The following SYNPO variants were observed in gnomAD, a reference collection of about 807,000 sequenced individuals.
SYNPO encodes synaptopodin.
A neutral mutation model predicts 49.5 loss-of-function variants in SYNPO; 19 were observed. The ratio of observed to expected loss-of-function variants is 0.38; its 90% CI spans 0.27 to 0.56. The LOEUF (loss-of-function observed/expected upper bound fraction) is 0.56, where lower values mean the gene tolerates loss of function less well. Among genes scored for constraint, SYNPO ranks in the 20% least tolerant of loss-of-function variants. SYNPO has a pLI of 0.68. For synonymous variants in SYNPO, 536 were observed against 548.0 expected, an observed-to-expected ratio of 0.98 and a Z score of 0.31; for missense variants, 1,131 against 1,248.3, an observed-to-expected ratio of 0.91 and a Z score of 1.42.
chr5:150,618,156 T>C (rs1438288303), exon 2 of SYNPO: 3 of 547,954 alleles, frequency 5.5e-6, no homozygotes, highest in Non-Finnish European at 9.2e-6. Flanking sequence ...GGATTGGAGG[T>C]CCACCACTCC....
Position 150,601,786 on chromosome 5 carries a change from A to G in SYNPO, c.-266+598A>G, listed in dbSNP as rs576333612. ...AGGGGGTGGTCCTCACTGTGCAGAG[A>G]CTCCCTTGTGACCACCATCCTCCTT... On this transcript the variant is annotated intron_variant, in intron 1 of 2. Transcript: ENST00000394243. Among the ~76,000 whole-genome samples, 6 of 151,766 alleles carry G rather than the reference A, an allele frequency of 4.0e-5. No individual in the cohort carries two copies. In the South Asian group the frequency reaches 1.3e-3, roughly 32 times the overall value.
chr5:150,618,815 C>A (rs1383788405), intron 2 of SYNPO: 3 of 1,547,846 alleles, frequency 1.9e-6, no homozygotes, highest in South Asian at 1.2e-5. Context: ...CACTGGAGAC[C>A]CCCCAGGTCC....
chr5:150,636,131 A>G (rs1416834326), upstream of SYNPO, among the ~76,000 whole-genome samples: 1 of 152,176 alleles, frequency 6.6e-6, no homozygotes, highest in Non-Finnish European at 1.5e-5. Context: ...ATGCCTGTGA[A>G]CGGTGCCTGG....
the SYNPO span, among the ~76,000 whole-genome samples, chr5:150,590,087 T>C: frequency 0.02 from 3,057 of 152,338 alleles, 75 homozygotes; most frequent in African/African-American, 0.06. Context: ...AGCCTTGCGC[T>C]TTGGGCTGGG....
intron 2 of SYNPO, among the ~76,000 whole-genome samples, chr5:150,631,276 A>T (rs77954339): frequency 6.6e-6 from 1 of 152,208 alleles, no homozygotes; most frequent in Non-Finnish European, 1.5e-5. Flanking sequence ...TACAAAGCTG[A>T]TGAGCGTTTA....
Position 150,649,788 on chromosome 5 carries a change from C to T in SYNPO, c.1513C>T (p.Leu505=), listed in dbSNP as rs1430111785. The T allele has an allele frequency of 2.5e-6, 4 of 1,611,866 alleles. No individual in the cohort carries two copies. In the African/African-American group the frequency reaches 4.0e-5, roughly 16 times the overall value. Residue 505 remains leucine, a synonymous_variant, in exon 2 of 3, where the codon CTG becomes TTG. Coordinates refer to ENST00000307662, the MANE Select transcript of SYNPO (RefSeq NM_007286.6). ...CGAGTCTTCAAGCCACACGCCAGAG[C>T]TGGCCCGCTGCCCATCACCTACCAT... ...VIESSSHTPE[L]ARCPSPTMSL... is the part of the protein sequence containing the mutation.
chr5:150,597,922 G>A (rs951400102), upstream of SYNPO, among the ~76,000 whole-genome samples: 1 of 152,150 alleles, frequency 6.6e-6, no homozygotes, highest in African/African-American at 2.4e-5. Context: ...ACAGGCATGA[G>A]CCACCGCACC....
chr5:150,602,923 T>G (rs1321690090), intron 1 of SYNPO, among the ~76,000 whole-genome samples: 1 of 152,018 alleles, frequency 6.6e-6, no homozygotes, highest in African/African-American at 2.4e-5. Flanking sequence ...GTAGGCCATC[T>G]TTTGGCCCCC....
At chr5:150,621,503 T>C (rs1348806803) in intron 2 of SYNPO, among the ~76,000 whole-genome samples, 1 of 152,048 alleles carries the variant, frequency 6.6e-6, no homozygotes, top group Non-Finnish European at 1.5e-5. Flanking sequence ...TTCCTGGAGA[T>C]CAGGAGGGAA....
At chr5:150,652,578 C>A in intron 2 of SYNPO, 1 of 232,598 alleles carries the variant, frequency 4.3e-6, no homozygotes, top group Non-Finnish European at 7.1e-6. Flanking sequence ...CTGTGCAAAT[C>A]GCAACCTTTT....
intron 1 of SYNPO, among the ~76,000 whole-genome samples, chr5:150,612,777 C>A (rs1208014627): frequency 6.6e-6 from 1 of 152,082 alleles, no homozygotes; most frequent in Non-Finnish European, 1.5e-5. Context: ...TTTTGTTCTT[C>A]TTTTCTTTTT....
rs1321890714 is a variant in SYNPO, at chr5:150,657,875, A to G, written c.*788A>G. ...TGTCCAGGACATCTTATCTGCAGCC[A>G]TAAGAGAATTATAAGGCAGTGATTT... On this transcript the variant is annotated 3_prime_UTR_variant, in exon 3 of 3. Transcript: ENST00000307662. The G allele has an allele frequency of 6.6e-6, 1 of 152,380 alleles. No homozygotes were observed. Among genetic ancestry groups the G allele is most frequent in the South Asian group, 2.1e-4 (1 of 4,836 alleles). 9.4% of individuals were successfully genotyped at this position (152,380 alleles called of 1,614,324 possible). A position where few individuals can be genotyped will look rare whatever the true frequency, so the allele number is the denominator to read the frequency against.
chr5:150,650,464 G>GC, intron 2 of SYNPO, 161 bp downstream of exon 2: 1 of 1,517,794 alleles, frequency 6.6e-7, no homozygotes, highest in Non-Finnish European at 8.9e-7. Flanking sequence ...GTCAGATGCG[G>GC]CCACCAGCTG....
In SYNPO at chr5:150,650,586, G is replaced by T; in HGVS notation, c.2028+283G>T. ...AGCGGGGAGGAGGGTCATGGAGAGA[G>T]AACTGTCTGGCAGCCCTGATGCGGT... On this transcript the variant is annotated intron_variant, in intron 2 of 2. Coordinates refer to ENST00000307662, the MANE Select transcript of SYNPO (RefSeq NM_007286.6). The T allele has an allele frequency of 4.1e-6, 6 of 1,452,772 alleles. No homozygotes were observed. The South Asian group carries it at 8.9e-5, about 21-fold the overall frequency. The allele number at this position is 1,452,772 out of a possible 1,614,324, so 90.0% of individuals were successfully genotyped here.
intron 1 of SYNPO, among the ~76,000 whole-genome samples, chr5:150,604,760 TGCG>T (rs1756645084): frequency 6.6e-6 from 1 of 152,186 alleles, no homozygotes; most frequent in South Asian, 2.1e-4. Flanking sequence ...TGGCACACAC[TGCG>T]GCTGGCACTG....
intron 2 of SYNPO, among the ~76,000 whole-genome samples, chr5:150,624,412 A>C (rs995786230): frequency 1.3e-5 from 2 of 152,184 alleles, no homozygotes; most frequent in African/African-American, 2.4e-5. Flanking sequence ...AGGGGACACA[A>C]AGAAACTGTC....
the SYNPO span, among the ~76,000 whole-genome samples, chr5:150,586,571 AGGATGGATGGATGGAT>A: frequency 2.1e-4 from 31 of 149,816 alleles, no homozygotes; most frequent in African/African-American, 7.2e-4. Context: ...GGTGGATGGA[AGGATGGATGGATGGAT>A]GGATGGATGG....
At chr5:150,599,526 T>A (rs1471542535), upstream of SYNPO, among the ~76,000 whole-genome samples, 1 of 152,184 alleles carries the variant, frequency 6.6e-6, no homozygotes, top group Non-Finnish European at 1.5e-5. Context: ...GAATCCTGGT[T>A]GGAGGCCCAG....
chr5:150,639,856 T>C (rs1433503388), upstream of SYNPO, among the ~76,000 whole-genome samples: 1 of 152,230 alleles, frequency 6.6e-6, no homozygotes, highest in Non-Finnish European at 1.5e-5. Flanking sequence ...CTCGAGGCCG[T>C]TGCAGTCTCT....
Sources: allele counts gnomAD v4.1 joint callset (sites outside exome capture counted in the v4.1 genomes callset), GRCh38; gene constraint gnomAD v4.1.1; transcripts MANE v1.5; gene names NCBI Gene and HGNC (gene_info 2026-07-23, HGNC 2026-07-21).